Variants in ABHD2 observed in about 807,000 individuals in gnomAD.
The protein encoded by ABHD2 is abhydrolase domain containing 2, acylglycerol lipase, also known as monoacylglycerol lipase ABHD2.
Under a neutral mutation model 48.1 loss-of-function variants are expected in ABHD2, and 20 were observed. The ratio of observed to expected loss-of-function variants is 0.42; its 90% confidence interval spans 0.29 to 0.60. The LOEUF is 0.60. ABHD2 is among the 20% of genes least tolerant of loss of function. The pLI is 0.24. For missense variants in ABHD2, 405 were observed against 550.9 expected (o/e 0.74, Z 2.65); for synonymous variants, 209 against 214.2 (o/e 0.98, Z 0.21).
the ABHD2 span, among the ~76,000 whole-genome samples, chr15:89,064,282 C>T: frequency 2.5e-4 from 35 of 140,704 alleles, no homozygotes; most frequent in African/African-American, 9.5e-4. Context: ...TGCAGTGGTG[C>T]GATCTCTGCT....
intron 3 of ABHD2, among the ~76,000 whole-genome samples, chr15:89,128,771 G>A (rs1276947675): frequency 6.6e-6 from 1 of 152,132 alleles, no homozygotes; most frequent in Admixed American, 6.5e-5. Context: ...GATTGTAGCA[G>A]AGAGCCCTAT....
intron 5 of ABHD2, among the ~76,000 whole-genome samples, chr15:89,158,126 G>T (rs76507207): frequency 6.6e-6 from 1 of 152,202 alleles, no homozygotes; most frequent in East Asian, 1.9e-4. Context: ...TGTGCCAGTG[G>T]GAACACTTAA....
chr15:89,119,921 G>A (rs1009634877), intron 3 of ABHD2, among the ~76,000 whole-genome samples: 1 of 152,182 alleles, frequency 6.6e-6, no homozygotes, highest in East Asian at 1.9e-4. Flanking sequence ...CTACAAGGAA[G>A]CCTGTCTGCA....
chr15:89,112,638 G>GA (rs2049893511), intron 1 of ABHD2, among the ~76,000 whole-genome samples: 1 of 152,192 alleles, frequency 6.6e-6, no homozygotes, highest in African/African-American at 2.4e-5. Flanking sequence ...GGTAGAATCA[G>GA]AAAAAAGAAA....
Position 89,165,305 on chromosome 15 carries a change from T to TAAAAAA in ABHD2, c.538+9773_538+9778dup, listed in dbSNP as rs539993035. 3.1e-3 allele frequency among the ~76,000 whole-genome samples: 473 copies of TAAAAAA among 151,806 alleles called. 2 individuals carry two copies. Among genetic ancestry groups the TAAAAAA allele is most frequent in the African/African-American group, 0.011 (448 of 41,368 alleles). On this transcript the variant is annotated intron_variant, in intron 5 of 10. Coordinates refer to ENST00000352732, the MANE Select transcript of ABHD2 (RefSeq NM_152924.5). ...CCTTCTAAAAAATGTTTTTTTTTTT[T>TAAAAAA]AAAAAAATTCCTCACACTTAACTTT...
chr15:89,195,323 T>C lies in ABHD2; in HGVS notation c.1178T>C (p.Met393Thr). 1 of 1,614,212 alleles carries C rather than the reference T, an allele frequency of 6.2e-7. No individual in the cohort carries two copies. Among genetic ancestry groups the C allele is most frequent in the Non-Finnish European group, 8.5e-7 (1 of 1,180,028 alleles). ...CTGTTCCCCGAGCCCCTGACATGGA[T>C]GGATAAGCTGGTGGTGGAGTACGCC... is the stretch of plus-strand genomic sequence containing the variant. ...SVLFPEPLTW[M>T]DKLVVEYANA... The change falls in exon 11 of 11, where the codon ATG (methionine) becomes ACG (threonine). Residue 393 changes from methionine to threonine, a missense_variant. Coordinates refer to ENST00000352732, the MANE Select transcript of ABHD2 (RefSeq NM_152924.5). The surrounding 1 kb of genome is among the most constrained non-coding windows in gnomAD (Gnocchi z 5.1).
intron 3 of ABHD2, among the ~76,000 whole-genome samples, chr15:89,125,059 A>G (rs2050110547): frequency 6.6e-6 from 1 of 151,816 alleles, no homozygotes; most frequent in Non-Finnish European, 1.5e-5. Flanking sequence ...ATTGCACTCC[A>G]GCCTTGGGGA....
chr15:89,068,255 A>T, the ABHD2 span, among the ~76,000 whole-genome samples: 1 of 152,048 alleles, frequency 6.6e-6, no homozygotes, highest in Non-Finnish European at 1.5e-5. Context: ...AAATGATTTC[A>T]GTTATGTACT....
At chr15:89,193,166 G>C in intron 9 of ABHD2, 69 bp from the exon 10 acceptor site, 1 of 1,473,782 alleles carries the variant, frequency 6.8e-7, no homozygotes, top group Non-Finnish European at 9.5e-7. Context: ...CAGTGAGTTT[G>C]AGCCTTGAAT....
At chr15:89,095,813 G>A (rs2049603488) in intron 1 of ABHD2, among the ~76,000 whole-genome samples, 1 of 152,132 alleles carries the variant, frequency 6.6e-6, no homozygotes, top group African/African-American at 2.4e-5. Flanking sequence ...AAACTCAGAC[G>A]TTTTGGTTTC....
chr15:89,129,697 C>A (rs2050189643), intron 3 of ABHD2, among the ~76,000 whole-genome samples: 1 of 152,006 alleles, frequency 6.6e-6, no homozygotes, highest in Non-Finnish European at 1.5e-5. Flanking sequence ...CAGCCCTGCC[C>A]CCTGCTGGCC....
At chr15:89,045,405 T>C in the ABHD2 span, among the ~76,000 whole-genome samples, 1 of 152,200 alleles carries the variant, frequency 6.6e-6, no homozygotes, top group Non-Finnish European at 1.5e-5. Flanking sequence ...TTTGGTTCCA[T>C]ATGAACTTTA....
chr15:89,172,547 AC>A (rs1234945218), intron 5 of ABHD2, among the ~76,000 whole-genome samples: 1 of 152,206 alleles, frequency 6.6e-6, no homozygotes. Context: ...GGTTGGTTCC[AC>A]TTTTTGGCTA....
intron 1 of ABHD2, among the ~76,000 whole-genome samples, chr15:89,110,638 TA>T (rs1198482907): frequency 6.6e-6 from 1 of 152,170 alleles, no homozygotes; most frequent in African/African-American, 2.4e-5. Context: ...GGTACTTAAT[TA>T]AGCCTGCTGA....
In ABHD2 at chr15:89,155,549, G is replaced by C; in HGVS notation, c.538+15G>C. On this transcript the variant is annotated intron_variant, in intron 5 of 10. Coordinates refer to ENST00000352732, the MANE Select transcript of ABHD2 (RefSeq NM_152924.5). This position sits in a 1 kb window ranked among gnomAD's most constrained non-coding sequence, Gnocchi z 4.9. ...GTTCACCTATGGTAAGCATGGCTAA[G>C]TGGAGTCCTCCCTTTTTCTGCAAGT... 1 of 1,598,168 alleles carries C rather than the reference G, an allele frequency of 6.3e-7. No individual in the cohort carries two copies.
In ABHD2 at chr15:89,196,116, A is replaced by C. The variant is rs2051398218; in HGVS notation, c.*693A>C. The C allele has an allele frequency of 6.6e-6, 1 of 152,346 alleles. No individual in the cohort carries two copies. 9.4% of individuals were successfully genotyped at this position (152,346 alleles called of 1,614,324 possible). On this transcript the variant is annotated 3_prime_UTR_variant, in exon 11 of 11. Transcript: ENST00000352732. ...GTCTGGGAAGGAGCCTGGGGATTTT[A>C]ATTTTTCACAAGTGCCCCAGATGAT...
rs2050648854 is a variant in ABHD2, at chr15:89,155,022, G to A, written c.371-345G>A. On this transcript the variant is annotated intron_variant, in intron 4 of 10. Transcript: ENST00000352732. This position sits in a 1 kb window ranked among gnomAD's most constrained non-coding sequence, Gnocchi z 4.9. ...AGAGTAATGTTCAGGAACTTCTATA[G>A]CAATGTGACAGAGTAATTTTATATT... Among the ~76,000 whole-genome samples, 1 of 152,144 alleles carries A rather than the reference G, an allele frequency of 6.6e-6. No homozygotes were observed. The highest frequency in any genetic ancestry group is 2.4e-5 in the African/African-American group (1 of 41,414).
rs552551407 is a variant in ABHD2 at position 89,165,306 on chromosome 15, A to T, written c.538+9772A>T. ...CTTCTAAAAAATGTTTTTTTTTTTTAAAAAAATTCCTCACACTTAACTTTT... is the reference window on the plus strand; with the variant it reads ...CTTCTAAAAAATGTTTTTTTTTTTTTAAAAAATTCCTCACACTTAACTTTT... On this transcript the variant is annotated intron_variant, in intron 5 of 10. Transcript: ENST00000352732. Among the ~76,000 whole-genome samples, 445 of 149,512 alleles carry T rather than the reference A, an allele frequency of 3.0e-3. 1 individual carries two copies. The highest frequency in any genetic ancestry group is 0.021 in the South Asian group (100 of 4,736).
chr15:89,058,476 C>G, the ABHD2 span, among the ~76,000 whole-genome samples: 1 of 152,128 alleles, frequency 6.6e-6, no homozygotes, highest in Non-Finnish European at 1.5e-5. Flanking sequence ...ACTCTGGGGT[C>G]CTGGTACACG....
Sources: gnomAD v4.1 joint callset for allele counts (sites outside exome capture counted in the v4.1 genomes callset) on GRCh38, gnomAD v4.1.1 for gene constraint, Gnocchi (gnomAD v3.1) non-coding constraint, MANE v1.5 for transcripts, NCBI Gene and HGNC (gene_info 2026-07-23, HGNC 2026-07-21) for gene names.